The following PCDH15 variants were observed in gnomAD, a reference collection of about 807,000 sequenced individuals.
PCDH15 encodes the protein protocadherin-15.
PCDH15 carries 129 observed loss-of-function variants against 178.5 expected under a neutral mutation model. The observed-to-expected ratio is 0.72, with a 90% CI of 0.63 to 0.84. The LOEUF (loss-of-function observed/expected upper bound fraction) is 0.84. PCDH15 is among the 40% of genes least tolerant of loss of function. The pLI, the probability that PCDH15 is intolerant of heterozygous loss-of-function variation, is 0.00. For missense variants in PCDH15, 2,230 were observed against 2,099.9 expected (o/e 1.06, Z -1.21); for synonymous variants, 800 against 732.0 (o/e 1.09, Z -1.50).
At chr10:55,147,167 T>C (rs1027509839) in intron 2 of PCDH15, among the ~76,000 whole-genome samples, 1 of 151,540 alleles carries the variant, frequency 6.6e-6, no homozygotes, top group South Asian at 2.1e-4. Flanking sequence ...ATATATTATA[T>C]GACTGGTGTG....
At chr10:54,343,718 C>G (rs1351259867) in intron 6 of PCDH15, among the ~76,000 whole-genome samples, 4 of 151,736 alleles carry the variant, frequency 2.6e-5, no homozygotes, top group African/African-American at 4.8e-5. Flanking sequence ...ACAGGTGCAG[C>G]ACACCAACAT....
Position 54,378,747 on chromosome 10 carries a change from T to G in PCDH15, c.318+35A>C, listed in dbSNP as rs1364257683. On this transcript the variant is annotated intron_variant, in intron 4 of 37. Transcript: ENST00000644397. ...CATAGACATTTAAATTATAATAAAC[T>G]TATATTACAGGGGCAAAGAAAAAAA... 6 of 1,602,592 alleles carry G rather than the reference T, an allele frequency of 3.7e-6. No individual in the cohort carries two copies. The East Asian group carries it at 8.9e-5, about 24-fold the overall frequency.
rs375801145 is a variant in PCDH15 at position 55,444,992 on chromosome 10, T to C, written c.-156+182633A>G. Among the ~76,000 whole-genome samples the C allele has an allele frequency of 2.6e-5, 4 of 151,982 alleles. No individual in the cohort carries two copies. In the South Asian group the frequency reaches 8.3e-4, roughly 32 times the overall value. ...TTCATACTGATTCTATAGATTCAAATGCATAGAATTAAACGGAGAAAGAAG... is the reference window on the plus strand; with the variant it reads ...TTCATACTGATTCTATAGATTCAAACGCATAGAATTAAACGGAGAAAGAAG... On this transcript the variant is annotated intron_variant, in intron 2 of 5. Coordinates refer to the PCDH15 transcript ENST00000613346.
intron 14 of PCDH15, among the ~76,000 whole-genome samples, chr10:54,138,790 G>A (rs1256023907): frequency 2.0e-5 from 3 of 152,164 alleles, no homozygotes; most frequent in Non-Finnish European, 2.9e-5. Flanking sequence ...GTGTGGCTAT[G>A]TAAACCAGTG....
At chr10:54,442,420 A>T (rs1295280556) in intron 3 of PCDH15, among the ~76,000 whole-genome samples, 7 of 45,814 alleles carry the variant, frequency 1.5e-4, no homozygotes, top group African/African-American at 6.7e-4. Context: ...AAGGCTATAT[A>T]TATATATATA....
At chr10:53,967,074 C>T (rs2089111994) in intron 21 of PCDH15, among the ~76,000 whole-genome samples, 1 of 152,108 alleles carries the variant, frequency 6.6e-6, no homozygotes, top group African/African-American at 2.4e-5. Flanking sequence ...TTGCAGTTCT[C>T]ATAATCCCCA....
chr10:54,805,208 G>A (rs1952759940), upstream of PCDH15, among the ~76,000 whole-genome samples: 1 of 151,748 alleles, frequency 6.6e-6, no homozygotes, highest in Non-Finnish European at 1.5e-5. Context: ...CAGGATGAGG[G>A]CTGAGTCCTG....
chr10:54,418,138 G>A (rs1954726449), intron 3 of PCDH15, among the ~76,000 whole-genome samples: 1 of 152,104 alleles, frequency 6.6e-6, no homozygotes, highest in East Asian at 1.9e-4. Flanking sequence ...AACAGGTTAG[G>A]GAAAATCAGG....
At chr10:54,352,844 T>C in intron 5 of PCDH15, among the ~76,000 whole-genome samples, 1 of 152,148 alleles carries the variant, frequency 6.6e-6, no homozygotes, top group Non-Finnish European at 1.5e-5. Context: ...GAAGGAATCT[T>C]CCACGTTTAA....
At position 53,808,819 on chromosome 10, in the gene PCDH15, C is replaced by T. The variant is rs185457086; in HGVS notation, c.4672-1689G>A. ...TCCAGACTGACTTTCGCTACTACTG[C>T]TACTACTACCTGATTCTGATTCCTC... is the stretch of plus-strand genomic sequence containing the variant. On this transcript the variant is annotated intron_variant, in intron 37 of 37. Transcript: ENST00000644397. 89 of 1,611,180 alleles carry T rather than the reference C, an allele frequency of 5.5e-5. No individual in the cohort carries two copies. The East Asian group carries it at 2.0e-3, about 36-fold the overall frequency.
chr10:54,674,822 T>A (rs1166848358), intron 1 of PCDH15, among the ~76,000 whole-genome samples: 1 of 152,112 alleles, frequency 6.6e-6, no homozygotes, highest in African/African-American at 2.4e-5. Flanking sequence ...ACTCATGTTG[T>A]CCAAGGGTCA....
intron 2 of PCDH15, among the ~76,000 whole-genome samples, chr10:55,078,691 A>G (rs1001808948): frequency 1.3e-5 from 2 of 151,830 alleles, no homozygotes; most frequent in Non-Finnish European, 2.9e-5. Flanking sequence ...TAAATTTTTT[A>G]GTGTTGATTT....
At chr10:54,031,178 C>A (rs1163401119) in intron 18 of PCDH15, among the ~76,000 whole-genome samples, 1 of 152,030 alleles carries the variant, frequency 6.6e-6, no homozygotes, top group Non-Finnish European at 1.5e-5. Flanking sequence ...AACACTTTTA[C>A]AATGTACTAC....
intron 1 of PCDH15, among the ~76,000 whole-genome samples, chr10:54,709,627 T>TATATAAAA: frequency 7.0e-6 from 1 of 141,848 alleles, no homozygotes; most frequent in South Asian, 2.2e-4. Flanking sequence ...TATATATATA[T>TATATAAAA]AAAATCACTT....
At chr10:53,810,447 A>T in intron 37 of PCDH15, 109 bp downstream of exon 37, 2 of 946,246 alleles carry the variant, frequency 2.1e-6, no homozygotes, top group Non-Finnish European at 3.3e-6. Context: ...ATACGTACTA[A>T]GTGAAAGGAA....
intron 3 of PCDH15, among the ~76,000 whole-genome samples, chr10:54,424,575 C>T (rs1004487424): frequency 6.7e-6 from 1 of 149,714 alleles, no homozygotes; most frequent in African/African-American, 2.6e-5. Context: ...TTCACTGTGG[C>T]ATTATTCACA....
At position 54,290,668 on chromosome 10, in the gene PCDH15, G is replaced by A. The variant is rs79158105; in HGVS notation, c.876+26603C>T. 9.7e-4 allele frequency among the ~76,000 whole-genome samples: 148 copies of A among 152,086 alleles called. 1 individual carries two copies. The East Asian group carries it at 0.026, about 27-fold the overall frequency. ...AGAGACACATCTCACATACAAAGAC[G>A]AATATAGGCTCAAAATAAAGGGATG... On this transcript the variant is annotated intron_variant, in intron 8 of 37. Transcript: ENST00000644397.
intron 3 of PCDH15, among the ~76,000 whole-genome samples, chr10:54,821,178 A>G (rs904988906): frequency 2.6e-5 from 4 of 152,082 alleles, no homozygotes; most frequent in African/African-American, 7.2e-5. Flanking sequence ...TGCTAATGCA[A>G]CCGTGCATAA....
At chr10:53,856,803 A>C (rs2078775625) in intron 28 of PCDH15, among the ~76,000 whole-genome samples, 1 of 152,160 alleles carries the variant, frequency 6.6e-6, no homozygotes, top group Non-Finnish European at 1.5e-5. Flanking sequence ...CTATATGTTT[A>C]ATCTGAACAT....
Sources: gnomAD v4.1 joint callset for allele counts (sites outside exome capture counted in the v4.1 genomes callset) on GRCh38, gnomAD v4.1.1 for gene constraint, MANE v1.5 for transcripts, NCBI Gene and HGNC (gene_info 2026-07-23, HGNC 2026-07-21) for gene names.